Variants in ZNF503 observed in about 807,000 individuals in gnomAD.
The protein encoded by ZNF503 is NocA-like zinc finger 2.
A neutral mutation model predicts 34.4 loss-of-function variants in ZNF503; 15 were observed. That is an observed-to-expected ratio of 0.44 (90% confidence interval 0.29 to 0.67). ZNF503 has a LOEUF of 0.67. Among genes scored for constraint, ZNF503 ranks in the 30% least tolerant of loss-of-function variants. The pLI is 0.13. For synonymous variants in ZNF503, 580 were observed against 456.8 expected, an observed-to-expected ratio of 1.27 and a Z score of -3.44; for missense variants, 1,007 against 926.8, an observed-to-expected ratio of 1.09 and a Z score of -1.12.
the ZNF503 span, among the ~76,000 whole-genome samples, chr10:75,282,492 C>T: frequency 2.0e-5 from 3 of 152,312 alleles, no homozygotes; most frequent in Admixed American, 6.5e-5. Context: ...TTGAGCTGCT[C>T]CAGCTCTGGA....
chr10:75,342,449 TC>T, the ZNF503 span, among the ~76,000 whole-genome samples: 445 of 152,184 alleles, frequency 2.9e-3, 4 homozygotes, highest in African/African-American at 0.01. Flanking sequence ...CCTGGAAAGC[TC>T]TGAAGCTGGG....
At chr10:75,329,384 TCC>T in the ZNF503 span, among the ~76,000 whole-genome samples, 1 of 108,668 alleles carries the variant, frequency 9.2e-6, no homozygotes, top group African/African-American at 5.5e-5. Context: ...CTTTCTTTCT[TCC>T]TTCCTTCCTT....
the ZNF503 span, among the ~76,000 whole-genome samples, chr10:75,339,883 C>T: frequency 6.6e-6 from 1 of 151,986 alleles, no homozygotes; most frequent in Non-Finnish European, 1.5e-5. Flanking sequence ...CACCTCTCTG[C>T]TTAGACTAGG....
intron 1 of ZNF503, chr10:75,400,891 T>C: frequency 2.9e-6 from 2 of 700,368 alleles, no homozygotes; most frequent in East Asian, 5.5e-5. Flanking sequence ...GAGAAACAAG[T>C]ATTGGCAGCC....
chr10:75,364,008 T>C, the ZNF503 span, among the ~76,000 whole-genome samples: 1 of 152,208 alleles, frequency 6.6e-6, no homozygotes, highest in African/African-American at 2.4e-5. Flanking sequence ...TGTCTTTAGG[T>C]GCAAGCATTC....
At chr10:75,352,838 C>T in the ZNF503 span, among the ~76,000 whole-genome samples, 3 of 152,212 alleles carry the variant, frequency 2.0e-5, no homozygotes, top group African/African-American at 4.8e-5. Flanking sequence ...GCTGAGAGTA[C>T]GGGATGGACC....
chr10:75,386,847 C>T, the ZNF503 span, among the ~76,000 whole-genome samples: 93 of 152,324 alleles, frequency 6.1e-4, no homozygotes, highest in African/African-American at 2.2e-3. Flanking sequence ...TGCCTCCTCC[C>T]CAATGACTTT....
the ZNF503 span, among the ~76,000 whole-genome samples, chr10:75,381,183 G>A: frequency 6.6e-6 from 1 of 152,172 alleles, no homozygotes; most frequent in African/African-American, 2.4e-5. Flanking sequence ...AACTGTTGTG[G>A]CAACTTCTGG....
At chr10:75,341,087 G>A in the ZNF503 span, among the ~76,000 whole-genome samples, 4 of 152,282 alleles carry the variant, frequency 2.6e-5, no homozygotes, top group African/African-American at 9.6e-5. Context: ...TTTTACACAG[G>A]TTACTGCTCC....
chr10:75,282,671 A>G, the ZNF503 span, among the ~76,000 whole-genome samples: 30 of 152,272 alleles, frequency 2.0e-4, no homozygotes, highest in African/African-American at 6.3e-4. Flanking sequence ...TGAAGGAGGA[A>G]TTGAATCGCA....
the ZNF503 span, among the ~76,000 whole-genome samples, chr10:75,331,325 A>G: frequency 1.3e-5 from 2 of 152,266 alleles, no homozygotes; most frequent in African/African-American, 2.4e-5. Flanking sequence ...CATTTGGCCT[A>G]AAGTGCAGTT....
At chr10:75,344,502 G>GC in the ZNF503 span, among the ~76,000 whole-genome samples, 1 of 152,158 alleles carries the variant, frequency 6.6e-6, no homozygotes, top group South Asian at 2.1e-4. Context: ...CGCTGGTCCT[G>GC]CCCCTTCTTG....
the ZNF503 span, among the ~76,000 whole-genome samples, chr10:75,326,250 G>A: frequency 7.9e-5 from 12 of 152,214 alleles, no homozygotes; most frequent in Admixed American, 7.9e-4. Context: ...TAGATTCTTT[G>A]GAATTTTCTA....
the ZNF503 span, among the ~76,000 whole-genome samples, chr10:75,347,637 C>G: frequency 1.3e-5 from 2 of 152,356 alleles, no homozygotes; most frequent in Non-Finnish European, 1.5e-5. Flanking sequence ...TCCCTCGGAG[C>G]CTGTCTCACA....
Position 75,401,515 on chromosome 10 carries a change from G to T in ZNF503, c.-96C>A. On this transcript the variant is annotated 5_prime_UTR_variant, in exon 1 of 2. Coordinates refer to ENST00000372524, the MANE Select transcript of ZNF503 (RefSeq NM_032772.6). Reference sequence around the variant, plus strand: ...CGCTCGCCCCGGGAGCAGGAGCAGCGGGAGGAGGAGGAGCTGGCGCGGCGG... The same window carrying T: ...CGCTCGCCCCGGGAGCAGGAGCAGCTGGAGGAGGAGGAGCTGGCGCGGCGG... 7.1e-7 allele frequency: 1 copy of T among 1,413,264 alleles called. No homozygotes were observed. Among genetic ancestry groups the T allele is most frequent in the Non-Finnish European group, 9.4e-7 (1 of 1,064,714 alleles). 87.5% of individuals were successfully genotyped at this position (1,413,264 alleles called of 1,614,324 possible).
At chr10:75,327,580 T>C in the ZNF503 span, among the ~76,000 whole-genome samples, 1 of 152,198 alleles carries the variant, frequency 6.6e-6, no homozygotes, top group Non-Finnish European at 1.5e-5. Context: ...GATAATCTCT[T>C]TGACATACTG....
chr10:75,395,893 T>C (rs961869557), downstream of ZNF503, among the ~76,000 whole-genome samples: 1 of 152,228 alleles, frequency 6.6e-6, no homozygotes. This position sits in a 1 kb window ranked among gnomAD's most constrained non-coding sequence, Gnocchi z 4.4. Flanking sequence ...GTCTCCCTGC[T>C]GGTCCCAAGC....
the ZNF503 span, among the ~76,000 whole-genome samples, chr10:75,302,032 A>G: frequency 2.0e-5 from 3 of 152,176 alleles, no homozygotes; most frequent in African/African-American, 7.2e-5. Context: ...TTTACTTAGT[A>G]TTTCTTGTAA....
chr10:75,400,755 T>C (rs1318710064), intron 1 of ZNF503, among the ~76,000 whole-genome samples: 1 of 152,238 alleles, frequency 6.6e-6, no homozygotes, highest in Non-Finnish European at 1.5e-5. Context: ...CCTCAGAGGC[T>C]GTGTGCACAC....
Sources: gnomAD v4.1 joint callset for allele counts (sites outside exome capture counted in the v4.1 genomes callset) on GRCh38, gnomAD v4.1.1 for gene constraint, Gnocchi (gnomAD v3.1) non-coding constraint, MANE v1.5 for transcripts, NCBI Gene and HGNC (gene_info 2026-07-23, HGNC 2026-07-21) for gene names.